Variants in CADM2 observed in about 807,000 individuals in gnomAD.
The protein encoded by CADM2 is immunoglobulin superfamily member 4D.
CADM2 carries 12 observed loss-of-function variants against 49.8 expected under a neutral mutation model. That is an observed-to-expected ratio of 0.24 (90% CI 0.15 to 0.39). The LOEUF (loss-of-function observed/expected upper bound fraction) is 0.39. Among genes scored for constraint, CADM2 ranks in the 10% least tolerant of loss-of-function variants. The pLI is 1.00. For missense variants in CADM2, 378 were observed against 492.3 expected, an observed-to-expected ratio of 0.77 and a Z score of 2.20; for synonymous variants, 214 against 175.4, an observed-to-expected ratio of 1.22 and a Z score of -1.74.
intron 3 of CADM2, among the ~76,000 whole-genome samples, chr3:85,830,710 A>G (rs953415400): frequency 6.6e-6 from 1 of 151,692 alleles, no homozygotes; most frequent in East Asian, 1.9e-4. Context: ...ATAAGGGTCC[A>G]ATTCTTTTGC....
chr3:84,976,403 T>A (rs527636341), intron 1 of CADM2, among the ~76,000 whole-genome samples: 23 of 149,510 alleles, frequency 1.5e-4, no homozygotes, highest in African/African-American at 5.6e-4. Context: ...TGTCATACTT[T>A]AAATAAATTA....
chr3:86,046,666 C>G (rs543636197), intron 8 of CADM2, among the ~76,000 whole-genome samples: 59 of 152,242 alleles, frequency 3.9e-4, no homozygotes, highest in Admixed American at 7.9e-4. Context: ...GAGTCCTAAA[C>G]TATCCCTGGG....
chr3:85,935,979 G>T, intron 7 of CADM2, 122 bp downstream of exon 7: 1 of 531,520 alleles, frequency 1.9e-6, no homozygotes, highest in African/African-American at 1.9e-5. Flanking sequence ...GTGATCTCTA[G>T]AACAGAAAAC....
intron 1 of CADM2, among the ~76,000 whole-genome samples, chr3:85,101,774 G>A (rs2038022460): frequency 6.6e-6 from 1 of 152,148 alleles, no homozygotes; most frequent in South Asian, 2.1e-4. Context: ...ACTTTAATTG[G>A]AAAATTTTAA....
intron 1 of CADM2, among the ~76,000 whole-genome samples, chr3:85,520,563 A>G (rs1158832007): frequency 6.6e-6 from 1 of 152,050 alleles, no homozygotes; most frequent in East Asian, 1.9e-4. Flanking sequence ...TATTTTTAGG[A>G]AGAAAAAATA....
At chr3:85,893,666 C>G (rs1714793452) in intron 5 of CADM2, among the ~76,000 whole-genome samples, 1 of 151,982 alleles carries the variant, frequency 6.6e-6, no homozygotes, top group African/African-American at 2.4e-5. Context: ...AACAAACAAC[C>G]CCATCAAAAA....
chr3:85,532,193 AT>A (rs201389576), intron 1 of CADM2, among the ~76,000 whole-genome samples: 44,459 of 142,630 alleles, frequency 0.31, 7,709 homozygotes, highest in East Asian at 0.61. Flanking sequence ...AATAATAATA[AT>A]AAAAAAATAA....
At position 85,739,860 on chromosome 3, in the gene CADM2, T is replaced by C. The variant is rs1238950848; in HGVS notation, c.88+13312T>C. Among the ~76,000 whole-genome samples, 3 of 152,178 alleles carry C rather than the reference T, an allele frequency of 2.0e-5. No homozygotes were observed. In the East Asian group the frequency reaches 5.8e-4, roughly 29 times the overall value. On this transcript the variant is annotated intron_variant, in intron 2 of 9. Coordinates refer to ENST00000383699, the MANE Select transcript of CADM2 (RefSeq NM_001167675.2). Reference sequence around the variant, plus strand: ...CAAAAATTTTAAATGTGAATCCTTATTATCAAAGCTTGTGATAGTGATGCC... The same window carrying C: ...CAAAAATTTTAAATGTGAATCCTTACTATCAAAGCTTGTGATAGTGATGCC...
At chr3:85,487,461 G>A (rs2039466387) in intron 1 of CADM2, among the ~76,000 whole-genome samples, 1 of 152,040 alleles carries the variant, frequency 6.6e-6, no homozygotes, top group South Asian at 2.1e-4. Flanking sequence ...AGCCCAAACT[G>A]CATCTGAAGA....
At chr3:84,964,477 C>T (rs968525579) in intron 1 of CADM2, among the ~76,000 whole-genome samples, 4 of 152,124 alleles carry the variant, frequency 2.6e-5, no homozygotes, top group Admixed American at 6.5e-5. Flanking sequence ...CTGACAAGTG[C>T]TCTATGATAT....
chr3:85,201,891 G>A (rs1016310806), intron 1 of CADM2, among the ~76,000 whole-genome samples: 3 of 151,776 alleles, frequency 2.0e-5, no homozygotes, highest in African/African-American at 7.3e-5. Flanking sequence ...GACCATCCTG[G>A]CCAACATGGT....
intron 3 of CADM2, among the ~76,000 whole-genome samples, chr3:85,846,860 T>A (rs992231588): frequency 6.6e-6 from 1 of 152,244 alleles, no homozygotes; most frequent in East Asian, 1.9e-4. Flanking sequence ...AGATACCATG[T>A]CTAAATAAAT....
chr3:85,684,079 G>C (rs74446005), intron 1 of CADM2, among the ~76,000 whole-genome samples: 7,322 of 152,164 alleles, frequency 0.048, 326 homozygotes, highest in East Asian at 0.19. Context: ...TCACTCACAA[G>C]GTGTGGAACA....
chr3:85,776,184 A>G (rs2070351655), intron 2 of CADM2, among the ~76,000 whole-genome samples: 1 of 151,914 alleles, frequency 6.6e-6, no homozygotes, highest in South Asian at 2.1e-4. Flanking sequence ...GGGAAAACAA[A>G]TCACTCATTC....
intron 6 of CADM2, among the ~76,000 whole-genome samples, chr3:85,918,372 G>T (rs1718660006): frequency 6.6e-6 from 1 of 152,150 alleles, no homozygotes; most frequent in South Asian, 2.1e-4. Flanking sequence ...AAAGGTTGTT[G>T]AATTTTGTCA....
chr3:85,259,810 A>G (rs1051067291), intron 1 of CADM2, among the ~76,000 whole-genome samples: 1 of 152,150 alleles, frequency 6.6e-6, no homozygotes, highest in Non-Finnish European at 1.5e-5. Context: ...CACTGACTAT[A>G]GATTTCCAAT....
At chr3:85,405,388 C>T (rs868375865) in intron 1 of CADM2, among the ~76,000 whole-genome samples, 12 of 152,124 alleles carry the variant, frequency 7.9e-5, no homozygotes, top group Middle Eastern at 6.8e-3. Context: ...GCTATTATCC[C>T]CACACTGCAG....
intron 1 of CADM2, among the ~76,000 whole-genome samples, chr3:85,497,567 CTT>C (rs1428752074): frequency 6.6e-6 from 1 of 151,946 alleles, no homozygotes; most frequent in East Asian, 1.9e-4. Flanking sequence ...GTTTAAAAAA[CTT>C]GTGAAATTTT....
chr3:85,961,737 A>C, intron 8 of CADM2, 90 bp downstream of exon 8: 2 of 800,266 alleles, frequency 2.5e-6, no homozygotes, highest in Non-Finnish European at 3.6e-6. Flanking sequence ...GCAGTGAACA[A>C]AATTATATGG....
Sources: gnomAD v4.1 joint callset for allele counts (sites outside exome capture counted in the v4.1 genomes callset) on GRCh38, gnomAD v4.1.1 for gene constraint, MANE v1.5 for transcripts, NCBI Gene and HGNC (gene_info 2026-07-23, HGNC 2026-07-21) for gene names.